DIP2C: variants seen among roughly 807,000 people sequenced by gnomAD.
The protein encoded by DIP2C is DIP2 acetate--CoA ligase C (putative).
In DIP2C, 33 loss-of-function variants were observed where a neutral mutation model predicts 192.4. That is an observed-to-expected ratio of 0.17 (90% CI 0.13 to 0.23). The LOEUF is 0.23. Among genes scored for constraint, DIP2C ranks in the 10% least tolerant of loss-of-function variants. DIP2C has a pLI of 1.00. For missense variants in DIP2C, 1,537 were observed against 2,110.1 expected (o/e 0.73, Z 5.32); for synonymous variants, 979 against 864.1 (o/e 1.13, Z -2.33).
intron 5 of DIP2C, among the ~76,000 whole-genome samples, chr10:421,650 T>C (rs372824800): frequency 1.2e-4 from 18 of 152,376 alleles, no homozygotes; most frequent in African/African-American, 4.3e-4. Flanking sequence ...TAATACTGCT[T>C]TGCATTTGAG....
chr10:558,423 G>A (rs563663547), intron 1 of DIP2C, among the ~76,000 whole-genome samples: 3 of 152,310 alleles, frequency 2.0e-5, no homozygotes, highest in Admixed American at 6.5e-5. Context: ...TCTCTATTCA[G>A]AAATGCGTAA....
At chr10:584,433 A>AC (rs1191519289) in intron 1 of DIP2C, among the ~76,000 whole-genome samples, 1 of 134,754 alleles carries the variant, frequency 7.4e-6, no homozygotes, top group Non-Finnish European at 1.6e-5. Context: ...CCACAACCTG[A>AC]CCCCCACTCA....
intron 2 of DIP2C, chr10:484,780 C>T (rs1193448872): frequency 1.2e-6 from 2 of 1,610,442 alleles, no homozygotes; most frequent in Non-Finnish European, 1.7e-6. Flanking sequence ...GCAGCGCTCA[C>T]CGAAACGAAA....
intron 1 of DIP2C, among the ~76,000 whole-genome samples, chr10:644,231 G>A (rs550008394): frequency 4.6e-5 from 7 of 152,344 alleles, no homozygotes; most frequent in East Asian, 1.9e-4. Flanking sequence ...GCAGGTGGCC[G>A]GGCCCAAGAG....
intron 29 of DIP2C, chr10:340,830 A>C (rs751302878): frequency 2.2e-6 from 1 of 461,638 alleles, no homozygotes; most frequent in Admixed American, 2.3e-5. Context: ...GTGAAGCCTG[A>C]GGGAGGTGAC....
At chr10:472,766 C>G (rs1348143262) in intron 2 of DIP2C, among the ~76,000 whole-genome samples, 1 of 152,170 alleles carries the variant, frequency 6.6e-6, no homozygotes, top group Non-Finnish European at 1.5e-5. Context: ...CCGCCACGGT[C>G]CCTTTCACAG....
intron 9 of DIP2C, among the ~76,000 whole-genome samples, chr10:403,099 C>A (rs375750720): frequency 0.012 from 22 of 1,806 alleles, no homozygotes; most frequent in Admixed American, 0.026. Flanking sequence ...GTATGTGTTC[C>A]TCAGCACATG....
intron 1 of DIP2C, among the ~76,000 whole-genome samples, chr10:686,473 C>G (rs1040640608): frequency 1.3e-5 from 2 of 152,138 alleles, no homozygotes; most frequent in Non-Finnish European, 2.9e-5. Flanking sequence ...CCCACCCACA[C>G]AGCCTCCTGA....
chr10:681,740 A>G (rs191001110), intron 1 of DIP2C, among the ~76,000 whole-genome samples: 84 of 152,368 alleles, frequency 5.5e-4, no homozygotes, highest in African/African-American at 1.9e-3. Flanking sequence ...TGTTTTATGA[A>G]CTTCACTGCA....
chr10:299,859 G>T (rs1427827384), intron 32 of DIP2C, among the ~76,000 whole-genome samples: 3 of 152,218 alleles, frequency 2.0e-5, no homozygotes, highest in African/African-American at 4.8e-5. Context: ...GGAAAAACTT[G>T]AATAGTCATT....
intron 3 of DIP2C, among the ~76,000 whole-genome samples, chr10:443,199 T>A (rs1967887189): frequency 6.6e-6 from 1 of 152,180 alleles, no homozygotes; most frequent in Non-Finnish European, 1.5e-5. Context: ...CATATTCTGT[T>A]TTTCATCGAT....
At chr10:576,536 C>A (rs1850171189) in intron 1 of DIP2C, among the ~76,000 whole-genome samples, 1 of 152,178 alleles carries the variant, frequency 6.6e-6, no homozygotes, top group African/African-American at 2.4e-5. Flanking sequence ...CATACACAAC[C>A]ACATTCATTT....
intron 1 of DIP2C, among the ~76,000 whole-genome samples, chr10:582,149 A>G (rs1459917316): frequency 6.6e-6 from 1 of 151,926 alleles, no homozygotes; most frequent in Non-Finnish European, 1.5e-5. Flanking sequence ...CCGGCCACCC[A>G]CCCCCTGCTA....
rs561296361 is a variant in DIP2C, at chr10:276,315, G to A, written c.*1010C>T. On this transcript the variant is annotated 3_prime_UTR_variant, in exon 37 of 37. Transcript: ENST00000280886. The stretch of plus-strand genomic sequence containing the variant: ...CACTTGCTGGTCTCTGGTTCTAGAA[G>A]AAACTTTTAGACAGGGCTCCTGCGG... The A allele has an allele frequency of 1.3e-5, 2 of 152,656 alleles. No homozygotes were observed. The highest frequency in any genetic ancestry group is 2.9e-5 in the Non-Finnish European group (2 of 68,034). 9.5% of individuals were successfully genotyped at this position (152,656 alleles called of 1,614,324 possible).
rs76165558 is a variant in DIP2C, at chr10:430,994, G to A, written c.395-7961C>T. 8.2e-3 allele frequency among the ~76,000 whole-genome samples: 1,245 copies of A among 152,272 alleles called. 37 individuals carry two copies. Among genetic ancestry groups the A allele is most frequent in the Admixed American group, 0.056 (862 of 15,288 alleles). ...AATATTGTGTTTGCTGCACTGTATT[G>A]CCTTTGTTCCTCTGTCAAAGTTTAG... On this transcript the variant is annotated intron_variant, in intron 4 of 36. Transcript: ENST00000280886.
Position 323,366 on chromosome 10 carries a change from C to T in DIP2C, c.3924+3640G>A, listed in dbSNP as rs373869370. ...GTGCGGGGCTCCAGCGAGAGACCGGCGCTGTTAGAACAGTCAGTCGGGGGT... is the reference window on the plus strand; with the variant it reads ...GTGCGGGGCTCCAGCGAGAGACCGGTGCTGTTAGAACAGTCAGTCGGGGGT... On this transcript the variant is annotated intron_variant, in intron 31 of 36. Transcript: ENST00000280886. 1.6e-3 allele frequency among the ~76,000 whole-genome samples: 82 copies of T among 52,416 alleles called. 1 individual carries two copies. Among genetic ancestry groups the T allele is most frequent in the Non-Finnish European group, 2.5e-3 (47 of 19,102 alleles). The allele number at this position is 52,416 out of a possible 152,430, so 34.4% of individuals were successfully genotyped here. A position where few individuals can be genotyped will look rare whatever the true frequency, so the allele number is the denominator to read the frequency against.
At chr10:549,127 A>C (rs977806247) in intron 1 of DIP2C, among the ~76,000 whole-genome samples, 4 of 152,146 alleles carry the variant, frequency 2.6e-5, no homozygotes, top group African/African-American at 9.7e-5. Context: ...GAATCCCTAC[A>C]AATAGTAGCT....
At chr10:615,822 G>A (rs550946862) in intron 1 of DIP2C, among the ~76,000 whole-genome samples, 40 of 152,172 alleles carry the variant, frequency 2.6e-4, no homozygotes, top group Non-Finnish European at 4.6e-4. Context: ...CAGACATTGC[G>A]CCTGTGTCAC....
intron 17 of DIP2C, among the ~76,000 whole-genome samples, chr10:379,577 T>C (rs1367501943): frequency 1.3e-5 from 2 of 152,230 alleles, no homozygotes; most frequent in African/African-American, 4.8e-5. Flanking sequence ...GGTGGCTTTC[T>C]TGTGAGTGCC....
Sources: allele counts gnomAD v4.1 joint callset (sites outside exome capture counted in the v4.1 genomes callset), GRCh38; gene constraint gnomAD v4.1.1; transcripts MANE v1.5; gene names NCBI Gene and HGNC (gene_info 2026-07-23, HGNC 2026-07-21).